The following FNDC9 variants were observed in gnomAD, a reference collection of about 807,000 sequenced individuals.
FNDC9 encodes the protein fibronectin type III domain-containing protein 9.
A neutral mutation model predicts 9.0 loss-of-function variants in FNDC9; 3 were observed. The ratio of observed to expected loss-of-function variants is 0.33; its 90% CI spans 0.15 to 0.86. FNDC9 has a LOEUF of 0.86. FNDC9 is among the 40% of genes least tolerant of loss of function. FNDC9 has a pLI of 0.53. For synonymous variants in FNDC9, 114 were observed against 115.6 expected (o/e 0.99, Z 0.09); for missense variants, 279 against 287.2 (o/e 0.97, Z 0.21).
chr5:157,344,401 C>T (rs749817814), intron 1 of FNDC9, among the ~76,000 whole-genome samples: 19 of 152,110 alleles, frequency 1.2e-4, no homozygotes, highest in Non-Finnish European at 2.2e-4. Context: ...GATGTCACAC[C>T]GCTAATACGT....
Position 157,345,153 on chromosome 5 carries a change from A to G in FNDC9, c.-8+388T>C, listed in dbSNP as rs559550810. Among the ~76,000 whole-genome samples, 10 of 152,254 alleles carry G rather than the reference A, an allele frequency of 6.6e-5. No individual in the cohort carries two copies. The East Asian group carries it at 1.4e-3, about 21-fold the overall frequency. ...TCCTCTACACACTCATCCTCCCCAC[A>G]CCACACATCACTATAAATACACTTT... is the stretch of plus-strand genomic sequence containing the variant. On this transcript the variant is annotated intron_variant, in intron 1 of 1. Coordinates refer to ENST00000312349, the MANE Select transcript of FNDC9 (RefSeq NM_001001343.4).
chr5:157,341,935 T>C lies in FNDC9; in HGVS notation c.*927A>G, dbSNP rs540703230. The C allele has an allele frequency of 6.6e-6, 1 of 152,290 alleles. No homozygotes were observed. Among genetic ancestry groups the C allele is most frequent in the East Asian group, 1.9e-4 (1 of 5,202 alleles). 9.4% of individuals were successfully genotyped at this position (152,290 alleles called of 1,614,324 possible). A position where few individuals can be genotyped will look rare whatever the true frequency, so the allele number is the denominator to read the frequency against. ...CAGCATTTGAGGTGGTTCACAGACA[T>C]GGCATTTAACTAACACTGACTCGCA... On this transcript the variant is annotated 3_prime_UTR_variant, in exon 2 of 2. Coordinates refer to ENST00000312349, the MANE Select transcript of FNDC9 (RefSeq NM_001001343.4).
rs774751204 is a variant in FNDC9, at chr5:157,343,277, T to C, written c.260A>G (p.His87Arg). The change falls in exon 2 of 2, where the codon CAC becomes CGC. Residue 87 changes from histidine to arginine, a missense_variant. Transcript: ENST00000312349. ...CAGGGTGTGGAACATGGTGCAGTAG[T>C]GCCTGTAAGGGAAGGCAGCCTTCTT... Reference protein sequence around the residue: ...SCKKAAFPYRHYCTMFHTLDK... With the variant: ...SCKKAAFPYRRYCTMFHTLDK... 2.5e-6 allele frequency: 4 copies of C among 1,613,984 alleles called. No homozygotes were observed. The highest frequency in any genetic ancestry group is 3.3e-5 in the Admixed American group (2 of 59,998).
chr5:157,344,400 C>G (rs2113269443), intron 1 of FNDC9, among the ~76,000 whole-genome samples: 1 of 152,268 alleles, frequency 6.6e-6, no homozygotes, highest in South Asian at 2.1e-4. Flanking sequence ...TGATGTCACA[C>G]CGCTAATACG....
chr5:157,342,741 A>AC lies in FNDC9; in HGVS notation c.*120dup. The AC allele has an allele frequency of 1.0e-6, 1 of 992,566 alleles. No individual in the cohort carries two copies. The highest frequency in any genetic ancestry group is 2.9e-5 in the Admixed American group (1 of 34,638). 61.5% of individuals were successfully genotyped at this position (992,566 alleles called of 1,614,324 possible). ...ATGGGGCATTCATCCAACCCAGGTGACCTACAATAGCAGTGACGTTTGATG... is the reference window on the plus strand; with the variant it reads ...ATGGGGCATTCATCCAACCCAGGTGACCCTACAATAGCAGTGACGTTTGATG... On this transcript the variant is annotated 3_prime_UTR_variant, in exon 2 of 2. Transcript: ENST00000312349.
chr5:157,341,908 G>A lies in FNDC9; in HGVS notation c.*954C>T, dbSNP rs1352099362. ...TTTCTCAAATCAAGGGAAGCTGACT[G>A]ACAGCATTTGAGGTGGTTCACAGAC... is the stretch of plus-strand genomic sequence containing the variant. On this transcript the variant is annotated 3_prime_UTR_variant, in exon 2 of 2. Coordinates refer to ENST00000312349, the MANE Select transcript of FNDC9 (RefSeq NM_001001343.4). 1 of 152,268 alleles carries A rather than the reference G, an allele frequency of 6.6e-6. No individual in the cohort carries two copies. The highest frequency in any genetic ancestry group is 1.5e-5 in the Non-Finnish European group (1 of 68,060). The allele number at this position is 152,268 out of a possible 1,614,324, so 9.4% of individuals were successfully genotyped here. A position where few individuals can be genotyped will look rare whatever the true frequency, so the allele number is the denominator to read the frequency against.
In FNDC9 at chr5:157,342,908, C is replaced by T. The variant is rs143433635; in HGVS notation, c.629G>A (p.Arg210Lys). 95 of 1,614,012 alleles carry T rather than the reference C, an allele frequency of 5.9e-5. No homozygotes were observed. In the African/African-American group the frequency reaches 1.2e-3, roughly 20 times the overall value. Residue 210 changes from arginine to lysine, a missense_variant, in exon 2 of 2, where the codon AGG (arginine) becomes AAG (lysine). Physicochemically the swap from Arg to Lys is conservative, Grantham distance 26. Transcript: ENST00000312349. ...TATAGCGGGTGGGTCACCACCCCCCCTCTGTAAGGCACCCGCATCAGGGGC... is the reference window on the plus strand; with the variant it reads ...TATAGCGGGTGGGTCACCACCCCCCTTCTGTAAGGCACCCGCATCAGGGGC... ...QDAPDAGALQ[R>K]GGGDPPAILP... is the part of the protein sequence containing the mutation.
In FNDC9 at chr5:157,345,674, T is replaced by C. The variant is rs1285252548; in HGVS notation, c.-141A>G. ...TTCTCTCAACACTGAGTAATCCCACTGCCGCCCCTAATGCTCACATTATTC... is the reference window on the plus strand; with the variant it reads ...TTCTCTCAACACTGAGTAATCCCACCGCCGCCCCTAATGCTCACATTATTC... On this transcript the variant is annotated 5_prime_UTR_variant, in exon 1 of 2. Coordinates refer to ENST00000312349, the MANE Select transcript of FNDC9 (RefSeq NM_001001343.4). 1 of 152,734 alleles carries C rather than the reference T, an allele frequency of 6.5e-6. No individual in the cohort carries two copies. Among genetic ancestry groups the C allele is most frequent in the Non-Finnish European group, 1.5e-5 (1 of 68,086 alleles). The allele number at this position is 152,734 out of a possible 1,614,324, so 9.5% of individuals were successfully genotyped here.
intron 1 of FNDC9, 115 bp from the exon 2 acceptor site, chr5:157,343,658 TACAGAC>T: frequency 2.4e-6 from 2 of 838,262 alleles, no homozygotes; most frequent in Non-Finnish European, 3.6e-6. Context: ...GCCCTCATCT[TACAGAC>T]AAAGAAATGG....
Position 157,343,013 on chromosome 5 carries a change from A to G in FNDC9, c.524T>C (p.Leu175Pro), listed in dbSNP as rs985000093. 1.2e-6 allele frequency: 2 copies of G among 1,614,216 alleles called. No homozygotes were observed. The highest frequency in any genetic ancestry group is 2.7e-5 in the African/African-American group (2 of 75,062). The change falls in exon 2 of 2, where the codon CTG (leucine) becomes CCG (proline). Residue 175 changes from leucine (L) to proline (P), a missense_variant. Leu to Pro is a moderately conservative substitution (Grantham distance 98). Coordinates refer to ENST00000312349, the MANE Select transcript of FNDC9 (RefSeq NM_001001343.4). ...APDLGQREED[L>P]QGLPLVEMPR... ...CATTTCCACCAGGGGGAGCCCCTGC[A>G]GGTCTTCCTCCCTCTGACCAAGATC... is the stretch of plus-strand genomic sequence containing the variant.
Position 157,343,011 on chromosome 5 carries a change from G to A in FNDC9, c.526C>T (p.Gln176Ter), listed in dbSNP as rs1223084563. ...PDLGQREEDL[Q>*]GLPLVEMPRK... ...GGCATTTCCACCAGGGGGAGCCCCT[G>A]CAGGTCTTCCTCCCTCTGACCAAGA... The change falls in exon 2 of 2, where the codon CAG becomes TAG. Residue 176 changes from glutamine (Q) to a stop codon, truncating the protein, a stop_gained. Coordinates refer to ENST00000312349, the MANE Select transcript of FNDC9 (RefSeq NM_001001343.4). LOFTEE classifies it low-confidence loss of function (END_TRUNC). The A allele has an allele frequency of 6.2e-7, 1 of 1,614,206 alleles. No individual in the cohort carries two copies. The highest frequency in any genetic ancestry group is 8.5e-7 in the Non-Finnish European group (1 of 1,180,034).
Position 157,343,396 on chromosome 5 carries a change from G to A in FNDC9, c.141C>T (p.Ser47=). ...NSIFSGYLRY[S]FHHEEKVPRT... ...GAGGCACCTTCTCCTCGTGGTGGAA[G>A]CTGTAGCGAAGATAGCCAGAGAAGA... The change falls in exon 2 of 2, where the codon AGC becomes AGT. Residue 47 remains serine, a synonymous_variant. Coordinates refer to ENST00000312349, the MANE Select transcript of FNDC9 (RefSeq NM_001001343.4). The A allele has an allele frequency of 6.2e-7, 1 of 1,614,198 alleles. No homozygotes were observed. The highest frequency in any genetic ancestry group is 8.5e-7 in the Non-Finnish European group (1 of 1,180,044).
Position 157,342,650 on chromosome 5 carries a change from T to C in FNDC9, c.*212A>G. Reference sequence around the variant, plus strand: ...GTGTCCTCCGAGTGGACGCTGCTGCTGAGATGCCTCGTTTGTGCCTTGGCA... The same window carrying C: ...GTGTCCTCCGAGTGGACGCTGCTGCCGAGATGCCTCGTTTGTGCCTTGGCA... On this transcript the variant is annotated 3_prime_UTR_variant, in exon 2 of 2. Coordinates refer to ENST00000312349, the MANE Select transcript of FNDC9 (RefSeq NM_001001343.4). The C allele has an allele frequency of 2.0e-6, 1 of 509,134 alleles. No homozygotes were observed. The highest frequency in any genetic ancestry group is 4.0e-5 in the South Asian group (1 of 24,890). The allele number at this position is 509,134 out of a possible 1,614,324, so 31.5% of individuals were successfully genotyped here.
At chr5:157,344,069 G>T (rs1027798637) in intron 1 of FNDC9, among the ~76,000 whole-genome samples, 1 of 152,052 alleles carries the variant, frequency 6.6e-6, no homozygotes, top group Non-Finnish European at 1.5e-5. Flanking sequence ...TGTTGCCCAT[G>T]GTGAGTGGAA....
At position 157,343,087 on chromosome 5, in the gene FNDC9, G is replaced by T. The variant is rs1482304610; in HGVS notation, c.450C>A (p.Gly150=). ...CCAACCCATTGGCCTCCTCCATGTGGCCAGCCCTGTAAGACCATCGCGGCT... is the reference window on the plus strand; with the variant it reads ...CCAACCCATTGGCCTCCTCCATGTGTCCAGCCCTGTAAGACCATCGCGGCT... ...CHEPRWSYRA[G]HMEEANGLVR... Residue 150 remains glycine (G), a synonymous_variant, in exon 2 of 2, where the codon GGC becomes GGA. Transcript: ENST00000312349. 6.2e-7 allele frequency: 1 copy of T among 1,614,168 alleles called. No homozygotes were observed. The highest frequency in any genetic ancestry group is 2.2e-5 in the East Asian group (1 of 44,882).
In FNDC9 at chr5:157,343,461, C is replaced by T. The variant is rs1182431289; in HGVS notation, c.76G>A (p.Asp26Asn). The T allele has an allele frequency of 6.2e-7, 1 of 1,611,084 alleles. No homozygotes were observed. Among genetic ancestry groups the T allele is most frequent in the South Asian group, 1.1e-5 (1 of 91,028 alleles). Reference sequence around the variant, plus strand: ...GGCCTGTACATAATATGGTAATAGTCCTCCAGGCAGGGCTCCGAGGACGAC... The same window carrying T: ...GGCCTGTACATAATATGGTAATAGTTCTCCAGGCAGGGCTCCGAGGACGAC... ...SWSSSEPCLE[D>N]YYHIMYRPNW... Residue 26 changes from aspartate (D) to asparagine (N), a missense_variant, in exon 2 of 2, where the codon GAC becomes AAC. Physicochemically the swap from Asp to Asn is conservative, Grantham distance 23 (BLOSUM62 1). Coordinates refer to ENST00000312349, the MANE Select transcript of FNDC9 (RefSeq NM_001001343.4).
At chr5:157,344,431 G>T (rs1316462529) in intron 1 of FNDC9, among the ~76,000 whole-genome samples, 1 of 152,124 alleles carries the variant, frequency 6.6e-6, no homozygotes, top group African/African-American at 2.4e-5. Context: ...ACTTAGTGCC[G>T]CCTAACCACT....
rs1762420609 is a variant in FNDC9, at chr5:157,343,228, T to C, written c.309A>G (p.Gly103=). ...HTLDKSPLAP[G]SSLVDPQISL... ...AGATCTGGGGGTCTACCAGGGAGCT[T>C]CCAGGAGCCAGCGGACTCTTATCCA... Residue 103 remains glycine (G), a synonymous_variant, in exon 2 of 2, where the codon GGA becomes GGG. Coordinates refer to ENST00000312349, the MANE Select transcript of FNDC9 (RefSeq NM_001001343.4). 3.1e-6 allele frequency: 5 copies of C among 1,614,154 alleles called. No individual in the cohort carries two copies. The East Asian group carries it at 1.1e-4, about 36-fold the overall frequency.
intron 1 of FNDC9, among the ~76,000 whole-genome samples, chr5:157,343,803 C>T (rs1762479614): frequency 6.6e-6 from 1 of 152,094 alleles, no homozygotes; most frequent in Admixed American, 6.5e-5. Flanking sequence ...CACATCCCAC[C>T]CTAGCTGAGA....
Sources: gnomAD v4.1 joint callset for allele counts (sites outside exome capture counted in the v4.1 genomes callset) on GRCh38, gnomAD v4.1.1 for gene constraint, MANE v1.5 for transcripts, NCBI Gene and HGNC (gene_info 2026-07-23, HGNC 2026-07-21) for gene names.